The following HTR1F variants were observed in gnomAD, a reference collection of about 807,000 sequenced individuals.
HTR1F encodes 5-hydroxytryptamine receptor 1F.
Under a neutral mutation model 24.0 loss-of-function variants are expected in HTR1F, and 17 were observed. That is an observed-to-expected ratio of 0.71 (90% CI 0.48 to 1.06). The LOEUF (loss-of-function observed/expected upper bound fraction) is 1.06, where lower values mean the gene tolerates loss of function less well. HTR1F is among the 50% of genes least tolerant of loss of function. The pLI is 0.00. For synonymous variants in HTR1F, 186 were observed against 156.8 expected (o/e 1.19, Z -1.39); for missense variants, 391 against 427.8 (o/e 0.91, Z 0.76).
intron 2 of HTR1F, among the ~76,000 whole-genome samples, chr3:87,975,059 T>G (rs762835535): frequency 2.0e-4 from 30 of 152,180 alleles, no homozygotes; most frequent in Non-Finnish European, 2.4e-4. Context: ...CATATGAATT[T>G]TATTAGTATC....
intron 2 of HTR1F, among the ~76,000 whole-genome samples, chr3:87,860,735 A>G (rs1705300210): frequency 6.6e-6 from 1 of 152,208 alleles, no homozygotes; most frequent in African/African-American, 2.4e-5. Flanking sequence ...GCATAAGGAC[A>G]TGGCATAATG....
intron 2 of HTR1F, among the ~76,000 whole-genome samples, chr3:87,906,336 A>G (rs1472664630): frequency 6.6e-6 from 1 of 152,082 alleles, no homozygotes; most frequent in Non-Finnish European, 1.5e-5. Context: ...AAGTGGAAAT[A>G]ATATGACTGA....
At chr3:87,949,685 T>C (rs931029202) in intron 2 of HTR1F, among the ~76,000 whole-genome samples, 14 of 152,170 alleles carry the variant, frequency 9.2e-5, no homozygotes, top group Admixed American at 4.6e-4. Context: ...CCACACCGTC[T>C]CCTTTTACAT....
intron 2 of HTR1F, among the ~76,000 whole-genome samples, chr3:87,856,342 T>G (rs1186060574): frequency 6.6e-6 from 1 of 152,056 alleles, no homozygotes; most frequent in Non-Finnish European, 1.5e-5. Flanking sequence ...CAGAATAAAG[T>G]AACATTTTAA....
chr3:87,807,147 T>A (rs1183750208), intron 1 of HTR1F, among the ~76,000 whole-genome samples: 3 of 152,184 alleles, frequency 2.0e-5, no homozygotes, highest in African/African-American at 7.2e-5. Context: ...AGGATTATTT[T>A]TTCTATTTCT....
intron 2 of HTR1F, among the ~76,000 whole-genome samples, chr3:87,925,796 A>C (rs1236037881): frequency 6.6e-6 from 1 of 151,852 alleles, no homozygotes; most frequent in Admixed American, 6.6e-5. Context: ...ACTGCTAGAG[A>C]TCTCCCCTTT....
intron 2 of HTR1F, among the ~76,000 whole-genome samples, chr3:87,984,297 T>C (rs982544723): frequency 6.6e-6 from 1 of 152,246 alleles, no homozygotes; most frequent in African/African-American, 2.4e-5. Context: ...CCTTATTGCA[T>C]TGTATAATTG....
chr3:87,881,554 C>T (rs776135462), intron 2 of HTR1F, among the ~76,000 whole-genome samples: 27 of 152,232 alleles, frequency 1.8e-4, no homozygotes, highest in African/African-American at 3.6e-4. Flanking sequence ...GAAATAACTC[C>T]GCATATCTAC....
rs185316169 is a variant in HTR1F, at chr3:87,902,244, G to T, written c.-43+80120G>T. 1.4e-3 allele frequency among the ~76,000 whole-genome samples: 212 copies of T among 152,162 alleles called. 2 individuals carry two copies. The highest frequency in any genetic ancestry group is 3.2e-4 in the Non-Finnish European group (22 of 67,998). On this transcript the variant is annotated intron_variant, in intron 2 of 2. Transcript: ENST00000319595. Reference sequence around the variant, plus strand: ...AAGTAGCACAATAGAATAAAACAGAGACCCTAAAAAGATACTCACGCAGAA... The same window carrying T: ...AAGTAGCACAATAGAATAAAACAGATACCCTAAAAAGATACTCACGCAGAA...
At chr3:87,826,099 C>T (rs2107137249) in intron 2 of HTR1F, among the ~76,000 whole-genome samples, 1 of 152,358 alleles carries the variant, frequency 6.6e-6, no homozygotes, top group South Asian at 2.1e-4. Context: ...TCTCCTACCA[C>T]TTCTAGGCAC....
chr3:87,837,717 T>A (rs1704710766), intron 2 of HTR1F, among the ~76,000 whole-genome samples: 1 of 152,054 alleles, frequency 6.6e-6, no homozygotes, highest in South Asian at 2.1e-4. Flanking sequence ...GTGTGACAAT[T>A]TTCTAATTTT....
At chr3:87,864,927 G>GAAAAA (rs966539074) in intron 2 of HTR1F, among the ~76,000 whole-genome samples, 2 of 150,400 alleles carry the variant, frequency 1.3e-5, no homozygotes, top group African/African-American at 4.9e-5. Context: ...GAAAAGAAAA[G>GAAAAA]AAAAGCAATA....
chr3:87,920,350 A>G (rs1385245352), intron 2 of HTR1F, among the ~76,000 whole-genome samples: 1 of 151,956 alleles, frequency 6.6e-6, no homozygotes, highest in African/African-American at 2.4e-5. Flanking sequence ...TCACCACTAA[A>G]GAACTTACTC....
chr3:87,956,098 A>G (rs1704937616), intron 2 of HTR1F, among the ~76,000 whole-genome samples: 1 of 151,334 alleles, frequency 6.6e-6, no homozygotes, highest in East Asian at 1.9e-4. Flanking sequence ...TATAATTTGT[A>G]TTCCTTTATA....
At chr3:87,978,803 G>A (rs374816291) in intron 2 of HTR1F, among the ~76,000 whole-genome samples, 30 of 143,264 alleles carry the variant, frequency 2.1e-4, no homozygotes, top group South Asian at 1.7e-3. Context: ...AGAGAGATGG[G>A]AAAGACTGAA....
chr3:87,820,423 G>A (rs1324581753), intron 1 of HTR1F, among the ~76,000 whole-genome samples: 5 of 151,746 alleles, frequency 3.3e-5, no homozygotes, highest in African/African-American at 9.7e-5. Flanking sequence ...TGATCCGCCC[G>A]CCTCGGCCTC....
At chr3:87,955,887 A>T (rs1320812003) in intron 2 of HTR1F, among the ~76,000 whole-genome samples, 1 of 151,428 alleles carries the variant, frequency 6.6e-6, no homozygotes, top group Non-Finnish European at 1.5e-5. Flanking sequence ...GAGTTTTTTT[A>T]AATGAGTTAT....
At position 87,992,220 on chromosome 3, in the gene HTR1F, T is replaced by G. The variant is rs1286642487; in HGVS notation, c.*370T>G. The stretch of plus-strand genomic sequence containing the variant: ...TAACAACATACCTCCCTCCATAATT[T>G]CTATCTAGTCCTACTGTTTTATAAT... On this transcript the variant is annotated 3_prime_UTR_variant, in exon 3 of 3. Coordinates refer to ENST00000319595, the MANE Select transcript of HTR1F (RefSeq NM_001322209.2). The G allele has an allele frequency of 5.9e-6, 1 of 168,380 alleles. No individual in the cohort carries two copies. The highest frequency in any genetic ancestry group is 1.4e-5 in the Non-Finnish European group (1 of 69,104). 10.4% of individuals were successfully genotyped at this position (168,380 alleles called of 1,614,324 possible).
chr3:87,956,948 A>T (rs1704957720), intron 2 of HTR1F, among the ~76,000 whole-genome samples: 1 of 151,136 alleles, frequency 6.6e-6, no homozygotes, highest in Admixed American at 6.6e-5. Flanking sequence ...GATCCTCATG[A>T]ATTATTTTCT....
Sources: allele counts gnomAD v4.1 joint callset (sites outside exome capture counted in the v4.1 genomes callset), GRCh38; gene constraint gnomAD v4.1.1; transcripts MANE v1.5; gene names NCBI Gene and HGNC (gene_info 2026-07-23, HGNC 2026-07-21).